Variants in RAD51B observed in about 807,000 individuals in gnomAD.
RAD51B encodes the protein RAD51 paralog B.
In RAD51B, 38 loss-of-function variants were observed where a neutral mutation model predicts 42.2. That is an observed-to-expected ratio of 0.90 (90% CI 0.70 to 1.18). The LOEUF (loss-of-function observed/expected upper bound fraction) is 1.18, where lower values mean the gene tolerates loss of function less well. Among genes scored for constraint, RAD51B ranks in the 50% most tolerant of loss-of-function variants. The probability of loss-of-function intolerance (pLI) is 0.00; values close to 1 mark genes in which losing one functional copy is unlikely to be tolerated. For synonymous variants in RAD51B, 154 were observed against 145.2 expected, an observed-to-expected ratio of 1.06 and a Z score of -0.43; for missense variants, 373 against 400.7, an observed-to-expected ratio of 0.93 and a Z score of 0.59.
chr14:68,006,302 TG>T (rs1345210983), intron 7 of RAD51B, among the ~76,000 whole-genome samples: 4 of 152,238 alleles, frequency 2.6e-5, no homozygotes, highest in African/African-American at 9.6e-5. Context: ...AGCTTCTCTA[TG>T]GGTATATTTT....
At chr14:68,427,599 T>A (rs1297129412) in intron 9 of RAD51B, among the ~76,000 whole-genome samples, 2 of 152,258 alleles carry the variant, frequency 1.3e-5, no homozygotes, top group African/African-American at 4.8e-5. Context: ...CCTATGCCTT[T>A]CCTATCATTG....
At chr14:68,395,886 A>C (rs912133722) in intron 8 of RAD51B, among the ~76,000 whole-genome samples, 3 of 152,304 alleles carry the variant, frequency 2.0e-5, no homozygotes, top group Admixed American at 6.5e-5. Flanking sequence ...TTTTTAACAC[A>C]TGATTCTTCT....
chr14:68,366,908 G>T (rs1042311971), intron 8 of RAD51B, among the ~76,000 whole-genome samples: 1 of 152,230 alleles, frequency 6.6e-6, no homozygotes, highest in Non-Finnish European at 1.5e-5. Flanking sequence ...TGAAAGAAAA[G>T]GGCAATTCTC....
At chr14:67,951,965 C>T (rs1017524386) in intron 7 of RAD51B, among the ~76,000 whole-genome samples, 4 of 149,008 alleles carry the variant, frequency 2.7e-5, no homozygotes, top group African/African-American at 1.0e-4. Flanking sequence ...GTAGATATTT[C>T]CAAATGCTAT....
intron 11 of RAD51B, among the ~76,000 whole-genome samples, chr14:68,660,640 T>A (rs368693981): frequency 1.3e-5 from 2 of 152,176 alleles, no homozygotes; most frequent in East Asian, 3.8e-4. Context: ...ACTGTTCTGA[T>A]CTGTCTCCTG....
chr14:67,944,596 G>A (rs2045326548), intron 7 of RAD51B, among the ~76,000 whole-genome samples: 1 of 152,122 alleles, frequency 6.6e-6, no homozygotes, highest in Admixed American at 6.6e-5. Flanking sequence ...ACCGTAGTGT[G>A]TTTATGTACT....
Position 67,891,451 on chromosome 14 carries a change from C to G in RAD51B, c.756+4247C>G, listed in dbSNP as rs1486007175. Among the ~76,000 whole-genome samples the G allele has an allele frequency of 2.0e-5, 3 of 152,138 alleles. No individual in the cohort carries two copies. In the East Asian group the frequency reaches 5.8e-4, roughly 29 times the overall value. Reference sequence around the variant, plus strand: ...GTGATTATTTTTATGTTTAAAGCTGCTTAGACAAATGAATCAAAATATGTG... The same window carrying G: ...GTGATTATTTTTATGTTTAAAGCTGGTTAGACAAATGAATCAAAATATGTG... On this transcript the variant is annotated intron_variant, in intron 7 of 10. Coordinates refer to ENST00000471583, the MANE Select transcript of RAD51B (RefSeq NM_133510.4).
chr14:68,087,938 TTTATTATTATATATAATTATATAATTTA>T (rs1566634450), intron 7 of RAD51B, among the ~76,000 whole-genome samples: 7,115 of 121,872 alleles, frequency 0.058, 593 homozygotes, highest in African/African-American at 0.19. Flanking sequence ...AATTATATAA[TTTATTATTATATATAATTATATAATTTA>T]TTATTATATA....
intron 7 of RAD51B, among the ~76,000 whole-genome samples, chr14:68,140,264 A>G (rs988976177): frequency 6.6e-6 from 1 of 152,206 alleles, no homozygotes; most frequent in African/African-American, 2.4e-5. Context: ...TAAGGAGCCC[A>G]GACAAAAATC....
At chr14:68,185,848 G>T (rs568649778) in intron 7 of RAD51B, among the ~76,000 whole-genome samples, 2 of 152,304 alleles carry the variant, frequency 1.3e-5, no homozygotes, top group African/African-American at 4.8e-5. Context: ...ACCTCCTGTT[G>T]TGTGGCCCAG....
intron 9 of RAD51B, among the ~76,000 whole-genome samples, chr14:68,465,206 A>C (rs912686899): frequency 6.6e-6 from 1 of 152,232 alleles, no homozygotes; most frequent in African/African-American, 2.4e-5. Flanking sequence ...CAGACAACAA[A>C]GATCTGAGAT....
chr14:67,879,411 A>C (rs1439580502), intron 5 of RAD51B, among the ~76,000 whole-genome samples: 1 of 152,144 alleles, frequency 6.6e-6, no homozygotes, highest in Non-Finnish European at 1.5e-5. Flanking sequence ...CCAAGTTGAC[A>C]CAAAACTGAC....
At chr14:68,062,707 G>A (rs145481386) in intron 7 of RAD51B, among the ~76,000 whole-genome samples, 18 of 151,626 alleles carry the variant, frequency 1.2e-4, no homozygotes, top group African/African-American at 3.9e-4. Flanking sequence ...TACTCAGGAG[G>A]CTGAGACATG....
At chr14:68,095,357 C>G (rs1419131304) in intron 7 of RAD51B, among the ~76,000 whole-genome samples, 1 of 151,740 alleles carries the variant, frequency 6.6e-6, no homozygotes, top group Non-Finnish European at 1.5e-5. Flanking sequence ...CACCAGTGCT[C>G]TTGAAGAGTA....
At chr14:68,072,944 T>C (rs557121286) in intron 7 of RAD51B, among the ~76,000 whole-genome samples, 1 of 152,312 alleles carries the variant, frequency 6.6e-6, no homozygotes, top group East Asian at 1.9e-4. Flanking sequence ...AATTGCTTTG[T>C]GTTCTAGTGT....
intron 10 of RAD51B, chr14:68,564,006 C>T (rs1889292080): frequency 1.1e-6 from 1 of 897,028 alleles, no homozygotes; most frequent in African/African-American, 1.8e-5. Flanking sequence ...AGATCACTTT[C>T]CCAAACCTGT....
At chr14:68,583,666 G>C (rs1174967709) in intron 10 of RAD51B, among the ~76,000 whole-genome samples, 19 of 152,150 alleles carry the variant, frequency 1.2e-4, no homozygotes, top group Admixed American at 1.2e-3. Flanking sequence ...CACATGTGTG[G>C]GCACTCAGCT....
At chr14:68,173,700 C>G (rs1428237073) in intron 7 of RAD51B, among the ~76,000 whole-genome samples, 1 of 152,198 alleles carries the variant, frequency 6.6e-6, no homozygotes, top group African/African-American at 2.4e-5. Flanking sequence ...GAAGCAGCAG[C>G]AGACTATTAG....
rs571000678 is a variant in RAD51B at position 68,401,852 on chromosome 14, A to T, written c.854-9572A>T. ...CTCAGAAGATTATAAATAACAAAAG[A>T]TATATTTTTTCGTATCTAAAATGGT... On this transcript the variant is annotated intron_variant, in intron 8 of 10. Transcript: ENST00000471583. 2.6e-5 allele frequency among the ~76,000 whole-genome samples: 4 copies of T among 152,310 alleles called. No individual in the cohort carries two copies. The East Asian group carries it at 7.7e-4, about 29-fold the overall frequency.
Sources: gnomAD v4.1 joint callset for allele counts (sites outside exome capture counted in the v4.1 genomes callset) on GRCh38, gnomAD v4.1.1 for gene constraint, MANE v1.5 for transcripts, NCBI Gene and HGNC (gene_info 2026-07-23, HGNC 2026-07-21) for gene names.